The following RORA variants were observed in gnomAD, a reference collection of about 807,000 sequenced individuals.
RORA encodes the protein RAR related orphan receptor A, also known as nuclear receptor ROR-alpha.
A neutral mutation model predicts 69.5 loss-of-function variants in RORA; 7 were observed. The observed-to-expected ratio is 0.10, with a 90% CI of 0.06 to 0.19. RORA has a LOEUF of 0.19. RORA is among the 10% of genes least tolerant of loss of function. The probability of loss-of-function intolerance (pLI) is 1.00; values close to 1 mark genes in which losing one functional copy is unlikely to be tolerated. For synonymous variants in RORA, 261 were observed against 240.8 expected (o/e 1.08, Z -0.78); for missense variants, 457 against 663.0 (o/e 0.69, Z 3.41).
intron 1 of RORA, among the ~76,000 whole-genome samples, chr15:61,020,200 T>C (rs1240559444): frequency 6.6e-6 from 1 of 152,204 alleles, no homozygotes; most frequent in Non-Finnish European, 1.5e-5. Context: ...TGTTCCCTTC[T>C]CTTTAGGACT....
At chr15:61,005,603 T>C (rs1595873417) in intron 1 of RORA, among the ~76,000 whole-genome samples, 1 of 152,328 alleles carries the variant, frequency 6.6e-6, no homozygotes, top group East Asian at 1.9e-4. Flanking sequence ...ATAATATGTA[T>C]ATATACATAC....
intron 1 of RORA, among the ~76,000 whole-genome samples, chr15:60,809,730 A>G (rs2072715126): frequency 6.6e-6 from 1 of 151,054 alleles, no homozygotes; most frequent in Non-Finnish European, 1.5e-5. Flanking sequence ...TGTAAATGCT[A>G]TTCACCAATG....
chr15:61,142,733 A>G (rs1206797533), intron 1 of RORA, among the ~76,000 whole-genome samples: 2 of 152,238 alleles, frequency 1.3e-5, no homozygotes, highest in African/African-American at 2.4e-5. Context: ...CATTCATAAT[A>G]TCAATACATT....
chr15:60,877,780 T>G (rs1361337576), intron 1 of RORA, among the ~76,000 whole-genome samples: 7 of 152,094 alleles, frequency 4.6e-5, no homozygotes, highest in African/African-American at 1.7e-4. Flanking sequence ...GTCAAAGCAA[T>G]AAAAGAAAGA....
chr15:60,792,946 C>T (rs1402053624), intron 1 of RORA, among the ~76,000 whole-genome samples: 1 of 151,876 alleles, frequency 6.6e-6, no homozygotes, highest in Non-Finnish European at 1.5e-5. Context: ...TGACACATTG[C>T]CTCTTTGTCA....
intron 2 of RORA, chr15:60,592,756 G>A: frequency 1.9e-6 from 2 of 1,032,066 alleles, no homozygotes; most frequent in African/African-American, 1.8e-5. Context: ...CTGCCCTCCC[G>A]CGCCCCGGGC....
chr15:61,221,601 T>C (rs1006075812), intron 1 of RORA, among the ~76,000 whole-genome samples: 1 of 152,224 alleles, frequency 6.6e-6, no homozygotes, highest in Non-Finnish European at 1.5e-5. Flanking sequence ...TTATACACAA[T>C]TTTATTTCTT....
At chr15:60,560,107 T>A (rs1397318591) in intron 2 of RORA, among the ~76,000 whole-genome samples, 2 of 152,148 alleles carry the variant, frequency 1.3e-5, no homozygotes, top group South Asian at 2.1e-4. Flanking sequence ...CAGCAACTCC[T>A]TATTTTGCTC....
At chr15:60,780,735 T>C (rs2072240549) in intron 1 of RORA, among the ~76,000 whole-genome samples, 1 of 152,206 alleles carries the variant, frequency 6.6e-6, no homozygotes, top group South Asian at 2.1e-4. Flanking sequence ...TGTAGCCATG[T>C]AGTCGTAAAA....
At chr15:61,210,276 G>T (rs936577698) in intron 1 of RORA, among the ~76,000 whole-genome samples, 3 of 152,144 alleles carry the variant, frequency 2.0e-5, no homozygotes, top group Non-Finnish European at 4.4e-5. Flanking sequence ...AACTTTTATA[G>T]CCAGTCTTTC....
chr15:60,758,458 C>T (rs143906779), intron 1 of RORA, among the ~76,000 whole-genome samples: 200 of 152,252 alleles, frequency 1.3e-3, no homozygotes, highest in Middle Eastern at 0.01. Context: ...CCATCAGTTC[C>T]GGTGATTTAT....
chr15:61,127,390 T>C (rs1417911088), intron 1 of RORA, among the ~76,000 whole-genome samples: 1 of 152,214 alleles, frequency 6.6e-6, no homozygotes, highest in Non-Finnish European at 1.5e-5. Flanking sequence ...AGATGGAATC[T>C]GTGTGAGGTT....
At chr15:61,205,001 G>A (rs1039390695) in intron 1 of RORA, among the ~76,000 whole-genome samples, 2 of 152,202 alleles carry the variant, frequency 1.3e-5, no homozygotes, top group Non-Finnish European at 2.9e-5. Flanking sequence ...CACCATTGCT[G>A]TTCTCGTGTT....
chr15:60,768,782 A>G (rs1475813592), intron 1 of RORA, among the ~76,000 whole-genome samples: 1 of 152,244 alleles, frequency 6.6e-6, no homozygotes, highest in African/African-American at 2.4e-5. Context: ...TCACATGCAG[A>G]CAATGAGAAA....
intron 1 of RORA, among the ~76,000 whole-genome samples, chr15:60,801,885 G>C (rs2072587198): frequency 6.6e-6 from 1 of 152,246 alleles, no homozygotes; most frequent in African/African-American, 2.4e-5. Flanking sequence ...GTGTATCTCA[G>C]TGTAAGAAGC....
At chr15:61,163,059 G>C (rs1255521781) in intron 1 of RORA, among the ~76,000 whole-genome samples, 4 of 152,230 alleles carry the variant, frequency 2.6e-5, no homozygotes, top group Non-Finnish European at 5.9e-5. Context: ...CAAGTGGCAA[G>C]AGAAACACAC....
chr15:60,782,149 T>G (rs2140339640), intron 1 of RORA, among the ~76,000 whole-genome samples: 1 of 152,096 alleles, frequency 6.6e-6, no homozygotes, highest in African/African-American at 2.4e-5. Context: ...TGCTTGAACC[T>G]GGGAGGCGGA....
chr15:60,912,693 G>A (rs1033875703), intron 1 of RORA, among the ~76,000 whole-genome samples: 11 of 152,152 alleles, frequency 7.2e-5, no homozygotes, highest in South Asian at 2.1e-4. Context: ...GGCGGAGCTT[G>A]CAGTGAGCCA....
chr15:60,540,902 G>A (rs1433776416), intron 2 of RORA, among the ~76,000 whole-genome samples: 2 of 152,162 alleles, frequency 1.3e-5, no homozygotes, highest in Admixed American at 1.3e-4. Context: ...CAGGAACATG[G>A]TGTCATGACA....
Sources: allele counts gnomAD v4.1 joint callset (sites outside exome capture counted in the v4.1 genomes callset), GRCh38; gene constraint gnomAD v4.1.1; transcripts MANE v1.5; gene names NCBI Gene and HGNC (gene_info 2026-07-23, HGNC 2026-07-21).